Variants in PNPLA7 observed in about 807,000 individuals in gnomAD.
The protein encoded by PNPLA7 is patatin-like phospholipase domain-containing protein 7.
In PNPLA7, 153 loss-of-function variants were observed where a neutral mutation model predicts 161.7. That is an observed-to-expected ratio of 0.95 (90% confidence interval 0.83 to 1.08). The LOEUF (loss-of-function observed/expected upper bound fraction) is 1.08. Ranked by LOEUF, PNPLA7 falls within the 50% of genes least tolerant of loss-of-function variation. The pLI is 0.00. For synonymous variants in PNPLA7, 809 were observed against 782.1 expected, an observed-to-expected ratio of 1.03 and a Z score of -0.57; for missense variants, 1,739 against 1,856.6, an observed-to-expected ratio of 0.94 and a Z score of 1.16.
Position 137,543,437 on chromosome 9 carries a change from GT to G in PNPLA7, c.500del (p.Asn167ThrfsTer63). On this transcript the variant is annotated frameshift_variant, in exon 6 of 35. Transcript: ENST00000406427. LOFTEE classifies it high-confidence loss of function. This position sits in a 1 kb window ranked among gnomAD's most constrained non-coding sequence, Gnocchi z 6.9. ...GGGCTCATCCCCGCTCTTACCGAACGTTTTTCAGCATGTACAGAACTTCCGA... is the reference window on the plus strand; with the variant it reads ...GGGCTCATCCCCGCTCTTACCGAACGTTTTCAGCATGTACAGAACTTCCGA... Reference protein sequence around the residue: ...LPSEVLYMLKNVRVLGHFEKP... With the variant: ...LPSEVLYMLKXVRVLGHFEKP... The G allele has an allele frequency of 6.2e-7, 1 of 1,614,082 alleles. No homozygotes were observed. Among genetic ancestry groups the G allele is most frequent in the Non-Finnish European group, 8.5e-7 (1 of 1,180,036 alleles).
In PNPLA7 at chr9:137,534,252, G is replaced by A. The variant is rs536534124; in HGVS notation, c.747+6390C>T. On this transcript the variant is annotated intron_variant, in intron 8 of 34. Coordinates refer to ENST00000406427, the MANE Select transcript of PNPLA7 (RefSeq NM_001098537.3). ...CCCCAACACTGTCCACTCCAGGCGGGAGCACTCCCAGGCTCCTCAGTGAGT... is the reference window on the plus strand; with the variant it reads ...CCCCAACACTGTCCACTCCAGGCGGAAGCACTCCCAGGCTCCTCAGTGAGT... Among the ~76,000 whole-genome samples, 8 of 148,436 alleles carry A rather than the reference G, an allele frequency of 5.4e-5. No individual in the cohort carries two copies. In the East Asian group the frequency reaches 1.7e-3, roughly 31 times the overall value.
In PNPLA7 at chr9:137,523,552, A is replaced by G. The variant is rs192486831; in HGVS notation, c.748-695T>C. On this transcript the variant is annotated intron_variant, in intron 8 of 34. Transcript: ENST00000406427. This position sits in a 1 kb window ranked among gnomAD's most constrained non-coding sequence, Gnocchi z 4.4. ...CACGCTGTGATCTGCATGCAGGCAG[A>G]TTCTTCTGGAAACTTGTTGGCTCTA... 6.1e-4 allele frequency among the ~76,000 whole-genome samples: 93 copies of G among 152,210 alleles called. No individual in the cohort carries two copies. Among genetic ancestry groups the G allele is most frequent in the African/African-American group, 2.2e-3 (91 of 41,536 alleles).
chr9:137,485,660 A>C (rs1241857362), intron 20 of PNPLA7, among the ~76,000 whole-genome samples: 1 of 152,232 alleles, frequency 6.6e-6, no homozygotes, highest in Non-Finnish European at 1.5e-5. Flanking sequence ...GAAACCAAGG[A>C]AGCACAGCGC....
chr9:137,468,785 C>T lies in PNPLA7; in HGVS notation c.2883-1312G>A, dbSNP rs143961450. Among the ~76,000 whole-genome samples, 88 of 151,418 alleles carry T rather than the reference C, an allele frequency of 5.8e-4. No homozygotes were observed. The highest frequency in any genetic ancestry group is 7.2e-4 in the Non-Finnish European group (49 of 67,900). On this transcript the variant is annotated intron_variant, in intron 25 of 34. Transcript: ENST00000406427. The surrounding 1 kb of genome is among the most constrained non-coding windows in gnomAD (Gnocchi z 4.0). ...TGAACAGTGGCAATTGTTCATTTCA[C>T]GACATTGTAACAACATTGTATCATT...
chr9:137,478,027 G>C lies in PNPLA7; in HGVS notation c.2882+7C>G. 3.5e-6 allele frequency: 5 copies of C among 1,416,942 alleles called. No homozygotes were observed. Among genetic ancestry groups the C allele is most frequent in the Non-Finnish European group, 4.6e-6 (5 of 1,080,402 alleles). The allele number at this position is 1,416,942 out of a possible 1,614,324, so 87.8% of individuals were successfully genotyped here. ...GTGAGGAGTGTGTAGGAAGCGGGGG[G>C]ACTCACCTTGCTCCCCCTCCCCCAA... On this transcript the variant is annotated splice_region_variant and intron_variant, in intron 25 of 34. Coordinates refer to ENST00000406427, the MANE Select transcript of PNPLA7 (RefSeq NM_001098537.3).
intron 24 of PNPLA7, chr9:137,478,796 A>C (rs1357920614): frequency 2.3e-6 from 1 of 429,234 alleles, no homozygotes; most frequent in Non-Finnish European, 4.1e-6. Context: ...ATTCAGGCCC[A>C]TCCCCGGGGT....
At chr9:137,497,857 C>G (rs1282914278) in intron 17 of PNPLA7, among the ~76,000 whole-genome samples, 1 of 152,264 alleles carries the variant, frequency 6.6e-6, no homozygotes, top group Non-Finnish European at 1.5e-5. Context: ...ACGGTGTGGA[C>G]TTGAATATAA....
At position 137,467,557 on chromosome 9, in the gene PNPLA7, C is replaced by T; in HGVS notation, c.2883-84G>A. The T allele has an allele frequency of 6.6e-7, 1 of 1,508,886 alleles. No individual in the cohort carries two copies. The highest frequency in any genetic ancestry group is 9.0e-7 in the Non-Finnish European group (1 of 1,113,648). The allele number at this position is 1,508,886 out of a possible 1,614,324, so 93.5% of individuals were successfully genotyped here. ...AGAGGCCTTGTGCTCATCCTCAGTT[C>T]CCAACTCCTCCACAGGCAGAGACGC... is the stretch of plus-strand genomic sequence containing the variant. On this transcript the variant is annotated intron_variant, in intron 25 of 34. Coordinates refer to ENST00000406427, the MANE Select transcript of PNPLA7 (RefSeq NM_001098537.3). The surrounding 1 kb of genome is among the most constrained non-coding windows in gnomAD (Gnocchi z 5.1).
intron 19 of PNPLA7, 84 bp from the exon 20 acceptor site, chr9:137,493,166 C>T (rs892534652): frequency 2.4e-5 from 34 of 1,396,254 alleles, no homozygotes; most frequent in Non-Finnish European, 3.0e-5. Context: ...TCAACAACAG[C>T]GAGACTCAGC....
rs112474417 is a variant in PNPLA7, at chr9:137,546,789, G to C, written c.273+41C>G. 1.9e-6 allele frequency: 3 copies of C among 1,596,542 alleles called. No individual in the cohort carries two copies. The South Asian group carries it at 3.3e-5, about 18-fold the overall frequency. ...GGGTCCCTCCCACAGGGGCCTGCTC[G>C]AGGAAGCCGTGTGCAGCCTGGGGCC... is the stretch of plus-strand genomic sequence containing the variant. On this transcript the variant is annotated intron_variant, in intron 4 of 34. Coordinates refer to ENST00000406427, the MANE Select transcript of PNPLA7 (RefSeq NM_001098537.3).
intron 20 of PNPLA7, 84 bp from the exon 21 acceptor site, chr9:137,484,820 C>T: frequency 2.1e-6 from 3 of 1,455,138 alleles, no homozygotes; most frequent in African/African-American, 1.4e-5. Context: ...CCCGAGGCTG[C>T]ACAGGAGCAA....
chr9:137,491,233 T>G (rs1182674654), intron 20 of PNPLA7, among the ~76,000 whole-genome samples: 1 of 152,148 alleles, frequency 6.6e-6, no homozygotes, highest in Non-Finnish European at 1.5e-5. Context: ...GACTAGCCAC[T>G]GCACTCCAAC....
chr9:137,549,204 T>C (rs972029598), intron 1 of PNPLA7, among the ~76,000 whole-genome samples: 4 of 152,156 alleles, frequency 2.6e-5, no homozygotes, highest in African/African-American at 9.7e-5. Context: ...ATTCTAGGGC[T>C]GGGCACAGTG....
At position 137,550,399 on chromosome 9, in the gene PNPLA7, A is replaced by C. The variant is rs368320212; in HGVS notation, c.-202T>G. The C allele has an allele frequency of 4.7e-4, 297 of 637,572 alleles. No individual in the cohort carries two copies. The African/African-American group carries it at 4.8e-3, about 10-fold the overall frequency. The allele number at this position is 637,572 out of a possible 1,614,324, so 39.5% of individuals were successfully genotyped here. On this transcript the variant is annotated 5_prime_UTR_variant, in exon 1 of 35. An upstream start codon of the reference 5' UTR is lost. Coordinates refer to ENST00000406427, the MANE Select transcript of PNPLA7 (RefSeq NM_001098537.3). ...AGCTGTCTTTTGAGAAGTGTCTGTC[A>C]TCTGCTAGGAGCCACCTCCTTCCCT...
In PNPLA7 at chr9:137,547,509, G is replaced by A; in HGVS notation, c.105+76C>T. On this transcript the variant is annotated intron_variant, in intron 2 of 34. Transcript: ENST00000406427. The surrounding 1 kb of genome is among the most constrained non-coding windows in gnomAD (Gnocchi z 4.6). The stretch of plus-strand genomic sequence containing the variant: ...CCACAGGCTGGGCAGGAATGAGCCA[G>A]GGGATGGGGACAGGGAGAGGTGAAA... 1 of 1,595,260 alleles carries A rather than the reference G, an allele frequency of 6.3e-7. No individual in the cohort carries two copies. Among genetic ancestry groups the A allele is most frequent in the African/African-American group, 1.3e-5 (1 of 74,664 alleles).
intron 11 of PNPLA7, among the ~76,000 whole-genome samples, chr9:137,518,390 C>CCCG: frequency 2.4e-5 from 2 of 84,546 alleles, no homozygotes; most frequent in Admixed American, 1.2e-4. Flanking sequence ...CACTCCATCC[C>CCCG]TCACTCACTC....
intron 12 of PNPLA7, among the ~76,000 whole-genome samples, chr9:137,506,380 T>C (rs1833924020): frequency 6.6e-6 from 1 of 152,230 alleles, no homozygotes; most frequent in Non-Finnish European, 1.5e-5. Flanking sequence ...AAACCAGCCC[T>C]GGTCCTGAGC....
In PNPLA7 at chr9:137,500,473, C is replaced by T. The variant is rs1446537265; in HGVS notation, c.1757+218G>A. 6.6e-6 allele frequency among the ~76,000 whole-genome samples: 1 copy of T among 152,204 alleles called. No homozygotes were observed. Among genetic ancestry groups the T allele is most frequent in the Non-Finnish European group, 1.5e-5 (1 of 68,034 alleles). ...AGCTGGGACCAGACCACAGAGACGG[C>T]CGTGCGAAGCTGATCGCTGCGGGCA... On this transcript the variant is annotated intron_variant, in intron 16 of 34. Transcript: ENST00000406427. The surrounding 1 kb of genome is among the most constrained non-coding windows in gnomAD (Gnocchi z 5.5).
At position 137,502,004 on chromosome 9, in the gene PNPLA7, C is replaced by T. The variant is rs7861314; in HGVS notation, c.1474-277G>A. On this transcript the variant is annotated intron_variant, in intron 14 of 34. Coordinates refer to ENST00000406427, the MANE Select transcript of PNPLA7 (RefSeq NM_001098537.3). ...AGACACTCGTATTTTTGTGAATTTACGTAAAAGAGAGAGGATGTCATTTTA... is the reference window on the plus strand; with the variant it reads ...AGACACTCGTATTTTTGTGAATTTATGTAAAAGAGAGAGGATGTCATTTTA... 3.8e-4 allele frequency among the ~76,000 whole-genome samples: 58 copies of T among 152,336 alleles called. 1 individual carries two copies. The highest frequency in any genetic ancestry group is 1.3e-3 in the East Asian group (7 of 5,188).
Sources: allele counts gnomAD v4.1 joint callset (sites outside exome capture counted in the v4.1 genomes callset), GRCh38; gene constraint gnomAD v4.1.1; non-coding constraint Gnocchi (gnomAD v3.1); transcripts MANE v1.5; gene names NCBI Gene and HGNC (gene_info 2026-07-23, HGNC 2026-07-21).